MTHFD1: variants seen among roughly 807,000 people sequenced by gnomAD.
MTHFD1 encodes C-1-tetrahydrofolate synthase, cytoplasmic.
A neutral mutation model predicts 110.3 loss-of-function variants in MTHFD1; 44 were observed. The ratio of observed to expected loss-of-function variants is 0.40; its 90% CI spans 0.31 to 0.51. The LOEUF is 0.51. Ranked by LOEUF, MTHFD1 falls within the 20% of genes least tolerant of loss-of-function variation. The pLI, the probability that MTHFD1 is intolerant of heterozygous loss-of-function variation, is 0.60. For missense variants in MTHFD1, 909 were observed against 1,173.1 expected (o/e 0.77, Z 3.29); for synonymous variants, 402 against 428.8 (o/e 0.94, Z 0.77).
chr14:64,417,680 C>G lies in MTHFD1; in HGVS notation c.479-208C>G, dbSNP rs1345988591. On this transcript the variant is annotated intron_variant, in intron 6 of 27. Coordinates refer to ENST00000652337, the MANE Select transcript of MTHFD1 (RefSeq NM_005956.4). This position sits in a 1 kb window ranked among gnomAD's most constrained non-coding sequence, Gnocchi z 4.4. ...GGCTTAAGCTGCTCCCAAAAACCCA[C>G]GGCCAGAAGGACACAAGTACAAGTC... 6.6e-6 allele frequency among the ~76,000 whole-genome samples: 1 copy of G among 152,174 alleles called. No individual in the cohort carries two copies. The highest frequency in any genetic ancestry group is 1.5e-5 in the Non-Finnish European group (1 of 68,026).
intron 23 of MTHFD1, chr14:64,449,048 C>G (rs922014370): frequency 3.1e-6 from 1 of 320,382 alleles, no homozygotes; most frequent in Non-Finnish European, 6.1e-6. Context: ...ATTCTCCCAC[C>G]TCGGCCTCCC....
chr14:64,439,058 T>A, intron 16 of MTHFD1, 38 bp from the exon 17 acceptor site: 1 of 1,485,256 alleles, frequency 6.7e-7, no homozygotes, highest in South Asian at 1.1e-5. Flanking sequence ...GTGGTCCTTT[T>A]ACTCAAAATC....
chr14:64,433,483 T>C (rs1471703181), intron 15 of MTHFD1, among the ~76,000 whole-genome samples: 1 of 152,106 alleles, frequency 6.6e-6, no homozygotes, highest in Non-Finnish European at 1.5e-5. Context: ...CGTGGTGCAA[T>C]CACATCTTAC....
intron 19 of MTHFD1, 41 bp from the exon 20 acceptor site, chr14:64,442,013 C>A: frequency 1.5e-6 from 2 of 1,324,478 alleles, no homozygotes; most frequent in Non-Finnish European, 2.2e-6. Flanking sequence ...CACTTTGAAG[C>A]AGGATTGGCA....
Position 64,449,503 on chromosome 14 carries a change from T to G in MTHFD1, c.2338T>G (p.Phe780Val), listed in dbSNP as rs2078336808. The change falls in exon 24 of 28, where the codon TTT (phenylalanine) becomes GTT (valine). Residue 780 changes from phenylalanine to valine, a missense_variant. Around this residue, in one of 3 missense-constraint regions of MTHFD1, gnomAD observed 482 missense variants for 646.0 expected, o/e 0.75. Transcript: ENST00000652337. Reference sequence around the variant, plus strand: ...CCGCCTTTCCAGAGAACATGGGGCTTTTGATGCCGTGAAGTGCACTCACTG... The same window carrying G: ...CCGCCTTTCCAGAGAACATGGGGCTGTTGATGCCGTGAAGTGCACTCACTG... ...ISRLSREHGAFDAVKCTHWAE... is the reference protein window; with the variant it reads ...ISRLSREHGAVDAVKCTHWAE... 2 of 1,614,112 alleles carry G rather than the reference T, an allele frequency of 1.2e-6. No homozygotes were observed. Among genetic ancestry groups the G allele is most frequent in the African/African-American group, 1.3e-5 (1 of 75,034 alleles).
intron 1 of MTHFD1, among the ~76,000 whole-genome samples, chr14:64,395,823 G>A (rs530839055): frequency 6.6e-6 from 1 of 152,270 alleles, no homozygotes; most frequent in South Asian, 2.1e-4. Flanking sequence ...TGCTGAGATC[G>A]AAAAACCCTG....
chr14:64,433,493 C>T (rs1261829409), intron 15 of MTHFD1, among the ~76,000 whole-genome samples: 3 of 152,104 alleles, frequency 2.0e-5, no homozygotes, highest in Non-Finnish European at 4.4e-5. Flanking sequence ...TCACATCTTA[C>T]TACAGCCTCA....
intron 22 of MTHFD1, chr14:64,447,922 C>G (rs1303441240): frequency 2.3e-6 from 1 of 429,630 alleles, no homozygotes; most frequent in Non-Finnish European, 4.3e-6. Context: ...AGCAAATAAG[C>G]TATAATGATG....
At chr14:64,399,656 C>CAA (rs34735594) in intron 1 of MTHFD1, among the ~76,000 whole-genome samples, 2 of 113,170 alleles carry the variant, frequency 1.8e-5, no homozygotes, top group East Asian at 2.5e-4. Context: ...GTCCCCATCT[C>CAA]AAAAAAAAAA....
At chr14:64,410,623 T>A (rs2077976321) in intron 2 of MTHFD1, among the ~76,000 whole-genome samples, 1 of 152,154 alleles carries the variant, frequency 6.6e-6, no homozygotes, top group African/African-American at 2.4e-5. Context: ...CTTTCTATTG[T>A]CTGTGTGGCG....
intron 2 of MTHFD1, among the ~76,000 whole-genome samples, chr14:64,408,219 T>C (rs2077952318): frequency 6.6e-6 from 1 of 151,942 alleles, no homozygotes; most frequent in Admixed American, 6.6e-5. Context: ...GTCCCTAACC[T>C]GTTCTGGAAT....
rs1403602816 is a variant in MTHFD1 at position 64,442,185 on chromosome 14, C to G, written c.1996+20C>G. ...TTGTAGGTTAGTGTTTTTTGCAAAA[C>G]CAGTGAATAGACTGTATGTTTCTTT... On this transcript the variant is annotated intron_variant, in intron 20 of 27. Coordinates refer to ENST00000652337, the MANE Select transcript of MTHFD1 (RefSeq NM_005956.4). 1.2e-6 allele frequency: 2 copies of G among 1,613,728 alleles called. No individual in the cohort carries two copies. The highest frequency in any genetic ancestry group is 2.7e-5 in the African/African-American group (2 of 75,028).
At chr14:64,438,718 T>C (rs1168952406) in intron 16 of MTHFD1, among the ~76,000 whole-genome samples, 1 of 152,190 alleles carries the variant, frequency 6.6e-6, no homozygotes, top group African/African-American at 2.4e-5. Flanking sequence ...CTTACGGTGG[T>C]GGAAAGTCAA....
At chr14:64,424,708 C>A in intron 8 of MTHFD1, 96 bp from the exon 9 acceptor site, 1 of 1,385,884 alleles carries the variant, frequency 7.2e-7, no homozygotes, top group Non-Finnish European at 1.0e-6. Flanking sequence ...CCTGATGGGA[C>A]TAACACACCC....
At chr14:64,433,983 A>G (rs2078183463) in intron 15 of MTHFD1, among the ~76,000 whole-genome samples, 1 of 151,838 alleles carries the variant, frequency 6.6e-6, no homozygotes, top group Non-Finnish European at 1.5e-5. Context: ...TGAGCTGAGG[A>G]TGCCCCACTG....
Position 64,441,612 on chromosome 14 carries a change from C to G in MTHFD1, c.1884+159C>G, listed in dbSNP as rs562455828. On this transcript the variant is annotated intron_variant, in intron 19 of 27. Coordinates refer to ENST00000652337, the MANE Select transcript of MTHFD1 (RefSeq NM_005956.4). ...ACAAGGTCAGGAGATCGAGACCATC[C>G]TGGCTAACATGGTGAAACCCCGTCT... 7.4e-3 allele frequency: 5,027 copies of G among 675,074 alleles called. 26 individuals are homozygous for G. Among genetic ancestry groups the G allele is most frequent in the Non-Finnish European group, 9.9e-3 (3,687 of 372,706 alleles). 41.8% of individuals were successfully genotyped at this position (675,074 alleles called of 1,614,324 possible). A position where few individuals can be genotyped will look rare whatever the true frequency, so the allele number is the denominator to read the frequency against.
intron 1 of MTHFD1, among the ~76,000 whole-genome samples, chr14:64,393,520 G>A (rs2077822721): frequency 6.6e-6 from 1 of 152,222 alleles, no homozygotes; most frequent in African/African-American, 2.4e-5. Context: ...GCCTGTGCAG[G>A]AGAGGTCGGA....
chr14:64,389,865 CT>C (rs2077790887), intron 1 of MTHFD1, among the ~76,000 whole-genome samples: 1 of 152,098 alleles, frequency 6.6e-6, no homozygotes, highest in African/African-American at 2.4e-5. Context: ...AAAAATCTTC[CT>C]TTTAGAAAGA....
chr14:64,425,183 A>C (rs1596543950), intron 9 of MTHFD1, among the ~76,000 whole-genome samples: 1 of 151,366 alleles, frequency 6.6e-6, no homozygotes, highest in African/African-American at 2.4e-5. Flanking sequence ...TGGCTTGGCC[A>C]GGTCTGTTTT....
Sources: allele counts gnomAD v4.1 joint callset (sites outside exome capture counted in the v4.1 genomes callset), GRCh38; gene constraint gnomAD v4.1.1; regional missense constraint gnomAD v4.1.1; non-coding constraint Gnocchi (gnomAD v3.1); transcripts MANE v1.5; gene names NCBI Gene and HGNC (gene_info 2026-07-23, HGNC 2026-07-21).